The following GABRB2 variants were observed in gnomAD, a reference collection of about 807,000 sequenced individuals.
GABRB2 encodes gamma-aminobutyric acid receptor subunit beta-2.
In GABRB2, 16 loss-of-function variants were observed where a neutral mutation model predicts 54.7. The observed-to-expected ratio is 0.29, with a 90% CI of 0.20 to 0.44. The LOEUF (loss-of-function observed/expected upper bound fraction) is 0.44, where lower values mean the gene tolerates loss of function less well. Among genes scored for constraint, GABRB2 ranks in the 20% least tolerant of loss-of-function variants. GABRB2 has a pLI of 1.00. For missense variants in GABRB2, 355 were observed against 644.0 expected (o/e 0.55, Z 4.86); for synonymous variants, 244 against 233.8 (o/e 1.04, Z -0.40).
intron 3 of GABRB2, among the ~76,000 whole-genome samples, chr5:161,498,676 C>T (rs1475219021): frequency 6.6e-6 from 1 of 151,982 alleles, no homozygotes; most frequent in Admixed American, 6.6e-5. Flanking sequence ...GTCCAAACTC[C>T]CTCATGGCCT....
chr5:161,413,074 G>GT (rs1454180367), intron 4 of GABRB2, among the ~76,000 whole-genome samples: 1 of 152,030 alleles, frequency 6.6e-6, no homozygotes, highest in African/African-American at 2.4e-5. Flanking sequence ...CCTTATTTAT[G>GT]TTTTATAAGA....
chr5:161,521,589 T>C (rs928081810), intron 3 of GABRB2, among the ~76,000 whole-genome samples: 29 of 152,074 alleles, frequency 1.9e-4, no homozygotes, highest in African/African-American at 5.8e-4. Flanking sequence ...ATGATGTGGA[T>C]CATATTAATC....
At chr5:161,457,547 A>G (rs1035516851) in intron 4 of GABRB2, among the ~76,000 whole-genome samples, 2 of 148,902 alleles carry the variant, frequency 1.3e-5, no homozygotes, top group Admixed American at 6.7e-5. Context: ...CCAGGTTCAC[A>G]CCATTCTCCT....
At chr5:161,340,568 A>C (rs1387032757) in intron 5 of GABRB2, among the ~76,000 whole-genome samples, 1 of 151,878 alleles carries the variant, frequency 6.6e-6, no homozygotes, top group Non-Finnish European at 1.5e-5. Context: ...CTCCCTATGT[A>C]TTAGTTCATC....
chr5:161,423,478 T>C (rs866035098), intron 4 of GABRB2, among the ~76,000 whole-genome samples: 36 of 152,302 alleles, frequency 2.4e-4, no homozygotes, highest in African/African-American at 8.4e-4. Flanking sequence ...CTTACAATAT[T>C]TCAAACTTTT....
At chr5:161,438,139 T>C (rs1207244892) in intron 4 of GABRB2, among the ~76,000 whole-genome samples, 1 of 152,208 alleles carries the variant, frequency 6.6e-6, no homozygotes, top group Non-Finnish European at 1.5e-5. Flanking sequence ...ACAGTCATAG[T>C]GGTGGTGGCA....
At chr5:161,535,266 T>C (rs772266639) in intron 3 of GABRB2, among the ~76,000 whole-genome samples, 21 of 152,210 alleles carry the variant, frequency 1.4e-4, no homozygotes, top group Non-Finnish European at 2.8e-4. Flanking sequence ...AGAGTTATAT[T>C]ATTCACACTG....
At chr5:161,336,392 G>A (rs111666446) in intron 6 of GABRB2, among the ~76,000 whole-genome samples, 120 of 152,050 alleles carry the variant, frequency 7.9e-4, no homozygotes, top group African/African-American at 2.6e-3. Flanking sequence ...AAAATTAGTC[G>A]CTTCTCTGGC....
chr5:161,337,486 A>G (rs1754026061), intron 5 of GABRB2, among the ~76,000 whole-genome samples: 1 of 152,162 alleles, frequency 6.6e-6, no homozygotes, highest in African/African-American at 2.4e-5. Context: ...TGCACAGTGC[A>G]TTTTGGAGGC....
At chr5:161,457,126 T>C (rs1038735971) in intron 4 of GABRB2, among the ~76,000 whole-genome samples, 2 of 152,218 alleles carry the variant, frequency 1.3e-5, no homozygotes, top group Non-Finnish European at 2.9e-5. Flanking sequence ...TCCTGATGAA[T>C]GTTCTTATTA....
chr5:161,426,720 G>T (rs1300028993), intron 4 of GABRB2, among the ~76,000 whole-genome samples: 3 of 151,898 alleles, frequency 2.0e-5, no homozygotes, highest in African/African-American at 7.3e-5. Context: ...AAACAAAAAA[G>T]ACTCAGAAGA....
At chr5:161,463,547 ATTTTTATT>A (rs1219778075) in intron 3 of GABRB2, among the ~76,000 whole-genome samples, 32 of 31,898 alleles carry the variant, frequency 1.0e-3, no homozygotes, top group Admixed American at 1.6e-3. Flanking sequence ...GATTCCAAAT[ATTTTTATT>A]TATATATATA....
chr5:161,422,135 T>A (rs138087574), intron 4 of GABRB2, among the ~76,000 whole-genome samples: 1 of 152,120 alleles, frequency 6.6e-6, no homozygotes, highest in Non-Finnish European at 1.5e-5. Flanking sequence ...ATCCACCAAA[T>A]GTGCAAACAT....
chr5:161,403,577 C>T (rs937523098), intron 5 of GABRB2, among the ~76,000 whole-genome samples: 2 of 151,988 alleles, frequency 1.3e-5, no homozygotes, highest in African/African-American at 4.8e-5. Flanking sequence ...AAAGGAAAGA[C>T]CAAGATAAGC....
chr5:161,460,266 ATATG>A (rs1442741301), intron 3 of GABRB2, among the ~76,000 whole-genome samples: 4 of 145,528 alleles, frequency 2.7e-5, no homozygotes, highest in East Asian at 4.0e-4. Context: ...ATTTATATAT[ATATG>A]TGTGTGTGTG....
At chr5:161,485,395 G>A (rs1482844734) in intron 3 of GABRB2, among the ~76,000 whole-genome samples, 2 of 151,916 alleles carry the variant, frequency 1.3e-5, no homozygotes, top group African/African-American at 4.8e-5. Context: ...AGTTAATAAG[G>A]TTGGTTGGGA....
chr5:161,310,431 C>T (rs1757826950), intron 9 of GABRB2, among the ~76,000 whole-genome samples: 1 of 152,206 alleles, frequency 6.6e-6, no homozygotes, highest in African/African-American at 2.4e-5. Flanking sequence ...CTACTGGAAG[C>T]CACCTTATCT....
At chr5:161,483,694 A>G (rs1758833606) in intron 3 of GABRB2, among the ~76,000 whole-genome samples, 1 of 152,032 alleles carries the variant, frequency 6.6e-6, no homozygotes, top group African/African-American at 2.4e-5. Flanking sequence ...ACAGAAAGAG[A>G]GAAATCATTG....
chr5:161,390,395 A>G (rs976472006), intron 5 of GABRB2, among the ~76,000 whole-genome samples: 1 of 152,108 alleles, frequency 6.6e-6, no homozygotes, highest in East Asian at 1.9e-4. Flanking sequence ...AAAATTTCTC[A>G]GAAAGACTGA....
Sources: allele counts gnomAD v4.1 joint callset (sites outside exome capture counted in the v4.1 genomes callset), GRCh38; gene constraint gnomAD v4.1.1; transcripts MANE v1.5; gene names NCBI Gene and HGNC (gene_info 2026-07-23, HGNC 2026-07-21).